Variants in GRHL3 observed in about 807,000 individuals in gnomAD.
The protein encoded by GRHL3 is grainyhead-like protein 3 homolog.
A neutral mutation model predicts 70.3 loss-of-function variants in GRHL3; 20 were observed. The observed-to-expected ratio is 0.28, with a 90% CI of 0.20 to 0.41. GRHL3 has a LOEUF of 0.41. Ranked by LOEUF, GRHL3 falls within the 10% of genes least tolerant of loss-of-function variation. The pLI, the probability that GRHL3 is intolerant of heterozygous loss-of-function variation, is 1.00. For missense variants in GRHL3, 637 were observed against 762.3 expected, an observed-to-expected ratio of 0.84 and a Z score of 1.94; for synonymous variants, 299 against 299.9, an observed-to-expected ratio of 1.00 and a Z score of 0.03.
Position 24,347,352 on chromosome 1 carries a change from G to A in GRHL3, c.1544-116G>A, listed in dbSNP as rs1640329310. The A allele has an allele frequency of 6.7e-6, 6 of 895,662 alleles. No homozygotes were observed. The Admixed American group carries it at 9.3e-5, about 14-fold the overall frequency. The allele number at this position is 895,662 out of a possible 1,614,324, so 55.5% of individuals were successfully genotyped here. A position where few individuals can be genotyped will look rare whatever the true frequency, so the allele number is the denominator to read the frequency against. Reference sequence around the variant, plus strand: ...GAGCCGGCCAAAGGGCCTCCCAGCTGGGCAAAGACCCGCAGCAGAAGTCAA... The same window carrying A: ...GAGCCGGCCAAAGGGCCTCCCAGCTAGGCAAAGACCCGCAGCAGAAGTCAA... On this transcript the variant is annotated intron_variant, in intron 13 of 15. Coordinates refer to ENST00000361548, the MANE Select transcript of GRHL3 (RefSeq NM_198173.3).
Position 24,336,823 on chromosome 1 carries a change from A to G in GRHL3, c.608A>G (p.Gln203Arg), listed in dbSNP as rs770785729. ...GACAGCACCTTCAAAGATGACCCAC[A>G]GGAGGTGAGGGCGCATCCCCGCTCC... ...QPDSTFKDDP[Q>R]ESMLFPDILK... The change falls in exon 4 of 16, where the codon CAG (glutamine) becomes CGG (arginine). Residue 203 changes from glutamine to arginine, a missense_variant. Gln to Arg is a conservative substitution (Grantham distance 43, BLOSUM62 1). Coordinates refer to ENST00000361548, the MANE Select transcript of GRHL3 (RefSeq NM_198173.3). 1.9e-6 allele frequency: 3 copies of G among 1,598,834 alleles called. No individual in the cohort carries two copies. The highest frequency in any genetic ancestry group is 2.6e-6 in the Non-Finnish European group (3 of 1,170,600).
In GRHL3 at chr1:24,346,657, C is replaced by T; in HGVS notation, c.1543+16C>T. The T allele has an allele frequency of 1.3e-6, 2 of 1,596,064 alleles. No homozygotes were observed. The highest frequency in any genetic ancestry group is 2.7e-5 in the African/African-American group (2 of 74,678). The stretch of plus-strand genomic sequence containing the variant: ...CTTCAGAGAGGTGACCTCCCGCCCT[C>T]CTCATTTACTCACCAGGCCCACCCC... On this transcript the variant is annotated intron_variant, in intron 13 of 15. Transcript: ENST00000361548.
chr1:24,319,825 C>T (rs1282908821), intron 1 of GRHL3: 27 of 1,140,300 alleles, frequency 2.4e-5, no homozygotes, highest in Admixed American at 1.5e-4. Context: ...AAACACAAGA[C>T]TGAAACTGTG....
At chr1:24,359,991 C>G (rs1640988901), downstream of GRHL3, among the ~76,000 whole-genome samples, 1 of 152,074 alleles carries the variant, frequency 6.6e-6, no homozygotes. The surrounding 1 kb of genome is among the most constrained non-coding windows in gnomAD (Gnocchi z 5.3). Context: ...TGGACAGTCC[C>G]TGGTTAATTT....
intron 11 of GRHL3, among the ~76,000 whole-genome samples, chr1:24,344,398 G>A (rs751889001): frequency 6.0e-5 from 9 of 149,936 alleles, no homozygotes; most frequent in African/African-American, 1.2e-4. Context: ...AGCTGAGGCC[G>A]CAGGATTGCT....
intron 11 of GRHL3, among the ~76,000 whole-genome samples, chr1:24,344,221 C>T (rs1557701869): frequency 6.6e-6 from 1 of 152,084 alleles, no homozygotes; most frequent in Non-Finnish European, 1.5e-5. Flanking sequence ...TCCTGCCGGG[C>T]GTGTCATCTC....
Position 24,342,227 on chromosome 1 carries a change from G to A in GRHL3, c.1160G>A (p.Arg387His), listed in dbSNP as rs763012802. 5.6e-6 allele frequency: 9 copies of A among 1,613,018 alleles called. No homozygotes were observed. Among genetic ancestry groups the A allele is most frequent in the South Asian group, 3.3e-5 (3 of 90,876 alleles). The change falls in exon 9 of 16, where the codon CGC (arginine) becomes CAC (histidine). Residue 387 changes from arginine (R) to histidine (H), a missense_variant. Physicochemically the swap from Arg to His is conservative, Grantham distance 29 (BLOSUM62 0). Coordinates refer to ENST00000361548, the MANE Select transcript of GRHL3 (RefSeq NM_198173.3). This position sits in a 1 kb window ranked among gnomAD's most constrained non-coding sequence, Gnocchi z 4.8. ...TATGACTGTGGCTTGGGCACTGAGCGCCTGGTACACCGTGCTGTCTGCCAG... is the reference window on the plus strand; with the variant it reads ...TATGACTGTGGCTTGGGCACTGAGCACCTGGTACACCGTGCTGTCTGCCAG... ...DTYDCGLGTERLVHRAVCQIK... is the reference protein window; with the variant it reads ...DTYDCGLGTEHLVHRAVCQIK...
chr1:24,337,092 A>G lies in GRHL3; in HGVS notation c.627A>G (p.Pro209=), dbSNP rs199851353. Residue 209 remains proline, a synonymous_variant, in exon 5 of 16, where the codon CCA becomes CCG. Coordinates refer to ENST00000361548, the MANE Select transcript of GRHL3 (RefSeq NM_198173.3). ...KDDPQESMLF[P]DILKTSPEPP... ...TTTCTCTGCAGTCGATGCTCTTCCC[A>G]GATATCCTGAAAACCTCCCCGGAAC... The G allele has an allele frequency of 2.0e-5, 33 of 1,614,034 alleles. No homozygotes were observed. The highest frequency in any genetic ancestry group is 2.5e-5 in the Non-Finnish European group (30 of 1,179,930).
Position 24,342,402 on chromosome 1 carries a change from C to G in GRHL3, c.1206+129C>G, listed in dbSNP as rs905308153. ...GTTTTTCTATCCCTTCTCCTCCTTC[C>G]CCTCTCCTCCTCCACCCCCACTCCT... On this transcript the variant is annotated intron_variant, in intron 9 of 15. Transcript: ENST00000361548. The surrounding 1 kb of genome is among the most constrained non-coding windows in gnomAD (Gnocchi z 4.8). 2 of 748,166 alleles carry G rather than the reference C, an allele frequency of 2.7e-6. No individual in the cohort carries two copies. The highest frequency in any genetic ancestry group is 5.6e-5 in the Admixed American group (2 of 35,678). The allele number at this position is 748,166 out of a possible 1,614,324, so 46.3% of individuals were successfully genotyped here.
intron 11 of GRHL3, 77 bp from the exon 12 acceptor site, chr1:24,344,820 C>G (rs2148661785): frequency 1.3e-6 from 2 of 1,549,802 alleles, no homozygotes; most frequent in Non-Finnish European, 1.8e-6. Flanking sequence ...ATATTCCTCC[C>G]AGAGAGCCTC....
chr1:24,346,169 G>A (rs1036798028), intron 12 of GRHL3, among the ~76,000 whole-genome samples: 6 of 144,340 alleles, frequency 4.2e-5, no homozygotes, highest in African/African-American at 1.3e-4. Flanking sequence ...AAAAAGGAAC[G>A]ATGATGATGA....
intron 15 of GRHL3, among the ~76,000 whole-genome samples, chr1:24,353,519 G>A (rs1557707411): frequency 6.8e-6 from 1 of 147,928 alleles, no homozygotes; most frequent in Non-Finnish European, 1.5e-5. Flanking sequence ...GTAGATGGTG[G>A]ATGGGGGTGT....
intron 14 of GRHL3, among the ~76,000 whole-genome samples, chr1:24,347,914 CA>C (rs1031475993): frequency 1.3e-5 from 2 of 152,168 alleles, no homozygotes; most frequent in Admixed American, 1.3e-4. Flanking sequence ...TTTTCTTTCC[CA>C]GGGGGCCTCA....
Position 24,336,821 on chromosome 1 carries a change from A to T in GRHL3, c.606A>T (p.Pro202=), listed in dbSNP as rs144957254. ...WQPDSTFKDD[P]QESMLFPDIL... ...CAGACAGCACCTTCAAAGATGACCC[A>T]CAGGAGGTGAGGGCGCATCCCCGCT... The change falls in exon 4 of 16, where the codon CCA becomes CCT. Residue 202 remains proline, a synonymous_variant. Coordinates refer to ENST00000361548, the MANE Select transcript of GRHL3 (RefSeq NM_198173.3). The T allele has an allele frequency of 8.5e-4, 1,353 of 1,600,020 alleles. 1 individual carries two copies. The highest frequency in any genetic ancestry group is 1.0e-3 in the Non-Finnish European group (1,197 of 1,171,266).
At position 24,360,931 on chromosome 1, in the gene GRHL3, T is replaced by C. The variant is rs142046508; in HGVS notation, c.1695-3254T>C. ...CACGAATGATGCACTAGAGATGAAA[T>C]GCTTGCGGGGGCCTAAGTAGTCCAC... is the stretch of plus-strand genomic sequence containing the variant. On this transcript the variant is annotated intron_variant, in intron 15 of 15. Coordinates refer to the GRHL3 transcript ENST00000350501. 58 of 1,613,702 alleles carry C rather than the reference T, an allele frequency of 3.6e-5. No homozygotes were observed. The African/African-American group carries it at 6.4e-4, about 18-fold the overall frequency.
At chr1:24,349,943 C>A (rs971028479) in intron 14 of GRHL3, 115 bp from the exon 15 acceptor site, 2 of 691,382 alleles carry the variant, frequency 2.9e-6, no homozygotes, top group African/African-American at 1.8e-5. Flanking sequence ...TATTTGCCCA[C>A]AATATGCATA....
chr1:24,333,670 C>T (rs1639691042), intron 2 of GRHL3, among the ~76,000 whole-genome samples: 1 of 152,054 alleles, frequency 6.6e-6, no homozygotes, highest in African/African-American at 2.4e-5. Flanking sequence ...TGTGTAAGGT[C>T]ACACAGCTAG....
chr1:24,355,664 C>G (rs2148670226), downstream of GRHL3, among the ~76,000 whole-genome samples: 3 of 152,330 alleles, frequency 2.0e-5, no homozygotes, highest in South Asian at 6.2e-4. Context: ...TGACCTGAGT[C>G]TTGTGCCAGC....
chr1:24,358,969 G>T (rs914393977), downstream of GRHL3, among the ~76,000 whole-genome samples: 1 of 152,156 alleles, frequency 6.6e-6, no homozygotes, highest in Non-Finnish European at 1.5e-5. Context: ...CTAGTTCAGG[G>T]GTTTCCATAA....
Sources: allele counts gnomAD v4.1 joint callset (sites outside exome capture counted in the v4.1 genomes callset), GRCh38; gene constraint gnomAD v4.1.1; non-coding constraint Gnocchi (gnomAD v3.1); transcripts MANE v1.5; gene names NCBI Gene and HGNC (gene_info 2026-07-23, HGNC 2026-07-21).